The following PIAS2 variants were observed in gnomAD, a reference collection of about 807,000 sequenced individuals.
PIAS2 encodes E3 SUMO-protein ligase PIAS2.
PIAS2 carries 19 observed loss-of-function variants against 69.7 expected under a neutral mutation model. The observed-to-expected ratio is 0.27, with a 90% confidence interval of 0.19 to 0.40. PIAS2 has a LOEUF of 0.40. Ranked by LOEUF, PIAS2 falls within the 10% of genes least tolerant of loss-of-function variation. The probability of loss-of-function intolerance (pLI) is 1.00; values close to 1 mark genes in which losing one functional copy is unlikely to be tolerated. For synonymous variants in PIAS2, 261 were observed against 263.2 expected, an observed-to-expected ratio of 0.99 and a Z score of 0.08; for missense variants, 624 against 757.0, an observed-to-expected ratio of 0.82 and a Z score of 2.06.
intron 10 of PIAS2, among the ~76,000 whole-genome samples, chr18:46,829,096 ACTC>A (rs2043218710): frequency 6.6e-6 from 1 of 152,156 alleles, no homozygotes; most frequent in East Asian, 1.9e-4. Context: ...ATAAAAAGAA[ACTC>A]TAAGTTCACG....
At chr18:46,877,163 T>C (rs7243309) in intron 2 of PIAS2, among the ~76,000 whole-genome samples, 11,692 of 152,186 alleles carry the variant, frequency 0.077, 484 homozygotes, top group African/African-American at 0.1. Context: ...ACAGCTCTTA[T>C]TAAAACCTTT....
intron 2 of PIAS2, among the ~76,000 whole-genome samples, chr18:46,874,787 CAG>C (rs1241029471): frequency 6.6e-6 from 1 of 152,170 alleles, no homozygotes; most frequent in Non-Finnish European, 1.5e-5. Context: ...GGCCTTTTAG[CAG>C]AGACACCACC....
chr18:46,848,244 G>A lies in PIAS2; in HGVS notation c.727-1403C>T, dbSNP rs556195883. 6.6e-5 allele frequency among the ~76,000 whole-genome samples: 10 copies of A among 152,326 alleles called. 1 individual carries two copies. In the South Asian group the frequency reaches 1.9e-3, roughly 28 times the overall value. On this transcript the variant is annotated intron_variant, in intron 5 of 13. Coordinates refer to ENST00000585916, the MANE Select transcript of PIAS2 (RefSeq NM_004671.5). Reference sequence around the variant, plus strand: ...AAGTCACTGACACCATTAACTGGATGTGTTAATGGGGATACAATCTGGATC... The same window carrying A: ...AAGTCACTGACACCATTAACTGGATATGTTAATGGGGATACAATCTGGATC...
rs914670445 is a variant in PIAS2, at chr18:46,806,829, C to T, written c.*5604G>A. 1.3e-5 allele frequency: 2 copies of T among 152,090 alleles called. No individual in the cohort carries two copies. Among genetic ancestry groups the T allele is most frequent in the Admixed American group, 6.6e-5 (1 of 15,266 alleles). 9.4% of individuals were successfully genotyped at this position (152,090 alleles called of 1,614,324 possible). A position where few individuals can be genotyped will look rare whatever the true frequency, so the allele number is the denominator to read the frequency against. Reference sequence around the variant, plus strand: ...TATTCTACAACACGGTAACACTCTTCGTCACTTAAAATAATTAAGCTTTGA... The same window carrying T: ...TATTCTACAACACGGTAACACTCTTTGTCACTTAAAATAATTAAGCTTTGA... On this transcript the variant is annotated 3_prime_UTR_variant, in exon 14 of 14. Transcript: ENST00000585916.
At chr18:46,891,484 T>G (rs140249009) in intron 1 of PIAS2, among the ~76,000 whole-genome samples, 1 of 152,234 alleles carries the variant, frequency 6.6e-6, no homozygotes, top group African/African-American at 2.4e-5. Context: ...ATTTTCACAA[T>G]GTTAGATGTG....
Position 46,803,324 on chromosome 18 carries a change from A to G in PIAS2, c.*9109T>C, listed in dbSNP as rs1363993078. 3 of 152,132 alleles carry G rather than the reference A, an allele frequency of 2.0e-5. No individual in the cohort carries two copies. The highest frequency in any genetic ancestry group is 6.5e-5 in the Admixed American group (1 of 15,268). The allele number at this position is 152,132 out of a possible 1,614,324, so 9.4% of individuals were successfully genotyped here. On this transcript the variant is annotated 3_prime_UTR_variant, in exon 14 of 14. Transcript: ENST00000585916. The stretch of plus-strand genomic sequence containing the variant: ...TAAATGAAAGTTTTTTAAAAAATGG[A>G]TACTTACTTTTTTAGGTTGTATCAG...
At chr18:46,911,068 T>C (rs1198700008) in intron 1 of PIAS2, among the ~76,000 whole-genome samples, 1 of 152,004 alleles carries the variant, frequency 6.6e-6, no homozygotes, top group Non-Finnish European at 1.5e-5. Context: ...TCTACTAAGC[T>C]TCCCAAATTA....
intron 8 of PIAS2, among the ~76,000 whole-genome samples, chr18:46,837,811 T>C (rs915653088): frequency 1.3e-5 from 2 of 152,164 alleles, no homozygotes; most frequent in African/African-American, 2.4e-5. Context: ...TTATAACCAG[T>C]CCTGCTATTT....
upstream of PIAS2, among the ~76,000 whole-genome samples, chr18:46,918,668 C>G (rs530086252): frequency 1.4e-4 from 22 of 152,152 alleles, no homozygotes; most frequent in Admixed American, 1.4e-3. Flanking sequence ...GTGATCCGCC[C>G]GCCTCGGCCT....
chr18:46,848,162 G>C (rs1176001631), intron 5 of PIAS2, among the ~76,000 whole-genome samples: 1 of 152,170 alleles, frequency 6.6e-6, no homozygotes, highest in African/African-American at 2.4e-5. Context: ...GAATTTTAGA[G>C]AGAAAAGTAT....
At chr18:46,896,797 A>G (rs1023404951) in intron 1 of PIAS2, among the ~76,000 whole-genome samples, 2 of 152,258 alleles carry the variant, frequency 1.3e-5, no homozygotes, top group Non-Finnish European at 2.9e-5. Flanking sequence ...GAGTGTAGAC[A>G]TAAAAGTCCT....
chr18:46,893,439 G>T, intron 1 of PIAS2: 1 of 980,192 alleles, frequency 1.0e-6, no homozygotes, highest in Non-Finnish European at 1.2e-6. Flanking sequence ...ACCTAAGCTT[G>T]ACTCTCAGAG....
At chr18:46,905,828 G>C (rs1026588916) in intron 1 of PIAS2, 1 of 152,038 alleles carries the variant, frequency 6.6e-6, no homozygotes, top group Non-Finnish European at 1.5e-5. Context: ...TTATAAGCAA[G>C]TTCTACTAAA....
At chr18:46,884,447 G>C (rs1229224268) in intron 2 of PIAS2, among the ~76,000 whole-genome samples, 1 of 151,888 alleles carries the variant, frequency 6.6e-6, no homozygotes, top group Non-Finnish European at 1.5e-5. Context: ...CGAGTAGCTG[G>C]GACTACAGGT....
intron 2 of PIAS2, among the ~76,000 whole-genome samples, chr18:46,880,980 C>T (rs2052146493): frequency 6.6e-6 from 1 of 152,134 alleles, no homozygotes; most frequent in African/African-American, 2.4e-5. Context: ...TAGAACATAG[C>T]AAAACTGAGT....
At chr18:46,873,298 T>C (rs1331768828) in intron 2 of PIAS2, among the ~76,000 whole-genome samples, 2 of 152,244 alleles carry the variant, frequency 1.3e-5, no homozygotes, top group African/African-American at 2.4e-5. Context: ...GCAGGTTTCC[T>C]GACAGGGAAC....
intron 2 of PIAS2, among the ~76,000 whole-genome samples, chr18:46,867,362 CATTGACAGTTCTTAGATAAGTCAATTTT>C (rs2049641771): frequency 6.6e-6 from 1 of 152,160 alleles, no homozygotes. Flanking sequence ...TTTGTATTAA[CATTGACAGTTCTTAGATAAGTCAATTTT>C]ATGACAGAAC....
intron 2 of PIAS2, among the ~76,000 whole-genome samples, chr18:46,886,253 C>T (rs1230967743): frequency 6.6e-6 from 1 of 152,186 alleles, no homozygotes; most frequent in Admixed American, 6.5e-5. Flanking sequence ...AGCCATATCA[C>T]TAGTCTGAAT....
At chr18:46,846,596 A>G (rs1318512596) in intron 6 of PIAS2, 111 bp downstream of exon 6, 1 of 1,080,320 alleles carries the variant, frequency 9.3e-7, no homozygotes, top group Non-Finnish European at 1.3e-6. Flanking sequence ...TGCTTTTTAG[A>G]GATTACAATC....
Sources: allele counts gnomAD v4.1 joint callset (sites outside exome capture counted in the v4.1 genomes callset), GRCh38; gene constraint gnomAD v4.1.1; transcripts MANE v1.5; gene names NCBI Gene and HGNC (gene_info 2026-07-23, HGNC 2026-07-21).